The following PNLIP variants were observed in gnomAD, a reference collection of about 807,000 sequenced individuals.
The protein encoded by PNLIP is pancreatic triacylglycerol lipase.
A neutral mutation model predicts 57.1 loss-of-function variants in PNLIP; 49 were observed. The ratio of observed to expected loss-of-function variants is 0.86; its 90% CI spans 0.68 to 1.09. The LOEUF is 1.09. PNLIP is among the 50% of genes least tolerant of loss of function. PNLIP has a pLI of 0.00. For missense variants in PNLIP, 503 were observed against 570.2 expected (o/e 0.88, Z 1.20); for synonymous variants, 209 against 200.4 (o/e 1.04, Z -0.36).
At chr10:116,559,107 A>G in intron 9 of PNLIP, 47 bp from the exon 10 acceptor site, 1 of 1,591,876 alleles carries the variant, frequency 6.3e-7, no homozygotes, top group Non-Finnish European at 8.5e-7. Context: ...ATGGTACACA[A>G]CTAAAAGATA....
At chr10:116,545,981 A>C in intron 1 of PNLIP, 23 bp downstream of exon 1, 1 of 887,814 alleles carries the variant, frequency 1.1e-6, no homozygotes, top group Non-Finnish European at 1.9e-6. Flanking sequence ...CATGTTTTCC[A>C]GGCCTAATTG....
intron 5 of PNLIP, among the ~76,000 whole-genome samples, chr10:116,553,388 C>G (rs548824258): frequency 6.6e-6 from 1 of 152,186 alleles, no homozygotes; most frequent in African/African-American, 2.4e-5. Context: ...TACAGGTGTG[C>G]GCCACCAAGG....
chr10:116,560,550 C>CT (rs753235094), intron 11 of PNLIP, 26 bp downstream of exon 11: 39,073 of 502,080 alleles, frequency 0.078, 308 homozygotes, highest in South Asian at 0.11. Context: ...TTGCTCTATG[C>CT]TTTTTTTTTT....
intron 4 of PNLIP, among the ~76,000 whole-genome samples, chr10:116,550,571 G>C (rs962208368): frequency 1.3e-5 from 2 of 152,112 alleles, no homozygotes; most frequent in Non-Finnish European, 2.9e-5. Context: ...AATTTGATTA[G>C]TCTTTCTATT....
chr10:116,555,880 CT>C, intron 8 of PNLIP, 119 bp from the exon 9 acceptor site: 1 of 691,018 alleles, frequency 1.4e-6, no homozygotes, highest in Non-Finnish European at 2.6e-6. Context: ...TGACTTTGTT[CT>C]GTGACCTGCA....
chr10:116,553,518 T>C (rs1847217336), intron 5 of PNLIP, among the ~76,000 whole-genome samples: 1 of 152,244 alleles, frequency 6.6e-6, no homozygotes, highest in African/African-American at 2.4e-5. Flanking sequence ...AGTAACATGC[T>C]GTACAGATTT....
intron 4 of PNLIP, among the ~76,000 whole-genome samples, chr10:116,549,079 A>G (rs992997897): frequency 1.3e-5 from 2 of 152,224 alleles, no homozygotes; most frequent in South Asian, 4.1e-4. Flanking sequence ...TGCTTGAGGA[A>G]CATTACTGTT....
At chr10:116,550,429 A>G (rs1847179012) in intron 4 of PNLIP, among the ~76,000 whole-genome samples, 1 of 152,078 alleles carries the variant, frequency 6.6e-6, no homozygotes, top group Non-Finnish European at 1.5e-5. Flanking sequence ...AATTCCTTCC[A>G]GAACTAACCT....
rs200941267 is a variant in PNLIP at position 116,559,297 on chromosome 10, T to A, written c.1060+14T>A. Reference sequence around the variant, plus strand: ...GTAATTTTGCACGTAAGTTTCTGTTTTCTGTATCTTATATTCTTATTGCTA... The same window carrying A: ...GTAATTTTGCACGTAAGTTTCTGTTATCTGTATCTTATATTCTTATTGCTA... On this transcript the variant is annotated intron_variant, in intron 10 of 12. Coordinates refer to ENST00000369221, the MANE Select transcript of PNLIP (RefSeq NM_000936.4). 1.5e-5 allele frequency: 24 copies of A among 1,584,490 alleles called. No individual in the cohort carries two copies. Among genetic ancestry groups the A allele is most frequent in the Non-Finnish European group, 1.8e-5 (21 of 1,154,954 alleles).
intron 12 of PNLIP, among the ~76,000 whole-genome samples, chr10:116,565,852 C>T (rs144643346): frequency 1.3e-3 from 201 of 152,248 alleles, no homozygotes; most frequent in African/African-American, 4.6e-3. Flanking sequence ...CTCTGTCACC[C>T]AGGCTAGAGT....
chr10:116,555,455 A>C lies in PNLIP; in HGVS notation c.759A>C (p.Gly253=). 1 of 1,614,148 alleles carries C rather than the reference A, an allele frequency of 6.2e-7. No homozygotes were observed. The highest frequency in any genetic ancestry group is 8.5e-7 in the Non-Finnish European group (1 of 1,179,978). The part of the protein sequence containing the change: ...FFPNGGVEMP[G]CKKNILSQIV... The stretch of plus-strand genomic sequence containing the variant: ...CAAATGGAGGAGTGGAAATGCCTGG[A>C]TGTAAAAAGAACATTCTCTCTCAGA... The change falls in exon 8 of 13, where the codon GGA becomes GGC. Residue 253 remains glycine (G), a synonymous_variant. Transcript: ENST00000369221.
intron 8 of PNLIP, 75 bp from the exon 9 acceptor site, chr10:116,555,925 C>T: frequency 1.2e-6 from 1 of 860,590 alleles, no homozygotes; most frequent in Non-Finnish European, 1.9e-6. Flanking sequence ...TCTATTCAAC[C>T]ACTATATTCT....
At position 116,561,515 on chromosome 10, in the gene PNLIP, T is replaced by C; in HGVS notation, c.1213T>C (p.Ser405Pro). 1.2e-6 allele frequency: 2 copies of C among 1,613,988 alleles called. No individual in the cohort carries two copies. Among genetic ancestry groups the C allele is most frequent in the Non-Finnish European group, 1.7e-6 (2 of 1,179,890 alleles). The change falls in exon 12 of 13, where the codon TCA (serine) becomes CCA (proline). Residue 405 changes from serine to proline, a missense_variant. Coordinates refer to ENST00000369221, the MANE Select transcript of PNLIP (RefSeq NM_000936.4). Reference sequence around the variant, plus strand: ...TAGTACTCATTCCAATGAATTTGACTCAGATGTGGATGTTGGGGACTTGCA... The same window carrying C: ...TAGTACTCATTCCAATGAATTTGACCCAGATGTGGATGTTGGGGACTTGCA... ...PDSTHSNEFDSDVDVGDLQMV... is the reference protein window; with the variant it reads ...PDSTHSNEFDPDVDVGDLQMV...
At position 116,559,154 on chromosome 10, in the gene PNLIP, AAC is replaced by A. The variant is rs1345699579; in HGVS notation, c.933_934del (p.Asn311LysfsTer18). 6.2e-7 allele frequency: 1 copy of A among 1,609,724 alleles called. No homozygotes were observed. Among genetic ancestry groups the A allele is most frequent in the South Asian group, 1.1e-5 (1 of 89,686 alleles). ...TTCATCATTTGTTTGTTTTCACTAG[AAC>A]AAGTGTTTCCCTTGTCCAAGTGGAG... ...PCASYNVFTA[N>X]KCFPCPSGGC... is the part of the protein sequence containing the mutation. On this transcript the variant is annotated frameshift_variant and splice_region_variant, in exon 10 of 13. Coordinates refer to ENST00000369221, the MANE Select transcript of PNLIP (RefSeq NM_000936.4). LOFTEE classifies it high-confidence loss of function.
At chr10:116,551,290 CAAAAAA>C (rs5788172) in intron 5 of PNLIP, 58 bp downstream of exon 5, 5 of 543,620 alleles carry the variant, frequency 9.2e-6, no homozygotes, top group Admixed American at 5.9e-5. Flanking sequence ...ATTATCTTTC[CAAAAAA>C]AAAAAAAAAA....
intron 9 of PNLIP, among the ~76,000 whole-genome samples, chr10:116,558,650 G>A (rs1054163526): frequency 1.3e-5 from 2 of 151,372 alleles, no homozygotes; most frequent in African/African-American, 4.9e-5. Flanking sequence ...TTGAGATGGA[G>A]TCTTGCTCTC....
At chr10:116,553,682 A>G (rs749727915) in intron 5 of PNLIP, 45 bp from the exon 6 acceptor site, 2 of 1,161,152 alleles carry the variant, frequency 1.7e-6, no homozygotes, top group Non-Finnish European at 1.3e-6. Flanking sequence ...TGAGCAACTC[A>G]TGACTGCACT....
chr10:116,554,784 C>CCTG (rs1350940601), intron 6 of PNLIP, among the ~76,000 whole-genome samples: 2 of 152,188 alleles, frequency 1.3e-5, no homozygotes, highest in Non-Finnish European at 2.9e-5. Context: ...TTTCCCACAG[C>CCTG]CTGCTCGGCC....
intron 11 of PNLIP, 64 bp from the exon 12 acceptor site, chr10:116,561,408 A>G: frequency 8.0e-7 from 1 of 1,243,412 alleles, no homozygotes. Flanking sequence ...CATACACACA[A>G]ATATATATGT....
Sources: allele counts gnomAD v4.1 joint callset (sites outside exome capture counted in the v4.1 genomes callset), GRCh38; gene constraint gnomAD v4.1.1; transcripts MANE v1.5; gene names NCBI Gene and HGNC (gene_info 2026-07-23, HGNC 2026-07-21).